The following TTLL9 variants were observed in gnomAD, a reference collection of about 807,000 sequenced individuals.
TTLL9 encodes the protein tubulin tyrosine ligase like 9.
TTLL9 carries 47 observed loss-of-function variants against 65.6 expected under a neutral mutation model. The ratio of observed to expected loss-of-function variants is 0.72; its 90% CI spans 0.57 to 0.91. TTLL9 has a LOEUF of 0.91. Among genes scored for constraint, TTLL9 ranks in the 40% least tolerant of loss-of-function variants. TTLL9 has a pLI of 0.00. For missense variants in TTLL9, 537 were observed against 568.8 expected (o/e 0.94, Z 0.57); for synonymous variants, 179 against 204.8 (o/e 0.87, Z 1.07).
Position 31,870,813 on chromosome 20 carries a change from T to TCTGC in TTLL9, c.-138_-135dup. 1 of 505,256 alleles carries TCTGC rather than the reference T, an allele frequency of 2.0e-6. No homozygotes were observed. Among genetic ancestry groups the TCTGC allele is most frequent in the East Asian group, 3.3e-5 (1 of 30,320 alleles). 31.3% of individuals were successfully genotyped at this position (505,256 alleles called of 1,614,324 possible). ...CACAAACTCCCGTCCCCCTTCCGGCTCTGCCTGGACGTCCCTGCGGGCCCC... is the reference window on the plus strand; with the variant it reads ...CACAAACTCCCGTCCCCCTTCCGGCTCTGCCTGCCTGGACGTCCCTGCGGGCCCC... On this transcript the variant is annotated 5_prime_UTR_variant, in exon 1 of 15. The change abolishes the stop of an existing upstream ORF in the 5' untranslated region. Transcript: ENST00000535842. The surrounding 1 kb of genome is among the most constrained non-coding windows in gnomAD (Gnocchi z 6.6).
intron 2 of TTLL9, among the ~76,000 whole-genome samples, chr20:31,881,334 C>T (rs138244038): frequency 1.3e-5 from 2 of 152,264 alleles, no homozygotes; most frequent in African/African-American, 2.4e-5. Flanking sequence ...TCCCTGTATC[C>T]CTGGTCCTCA....
At chr20:31,930,765 G>A (rs6061036) in intron 10 of TTLL9, among the ~76,000 whole-genome samples, 84,617 of 151,988 alleles carry the variant, frequency 0.56, 24,074 homozygotes, top group Admixed American at 0.62. Flanking sequence ...ATATTTTGCA[G>A]TGAATCAGTT....
Position 31,934,878 on chromosome 20 carries a change from G to C in TTLL9, c.994G>C (p.Asp332His). 1 of 1,610,898 alleles carries C rather than the reference G, an allele frequency of 6.2e-7. No individual in the cohort carries two copies. The highest frequency in any genetic ancestry group is 8.5e-7 in the Non-Finnish European group (1 of 1,177,774). The change falls in exon 12 of 15, where the codon GAC becomes CAC. Residue 332 changes from aspartate (D) to histidine (H), a missense_variant. By Grantham distance (81) the Asp-to-His change is moderately conservative. Transcript: ENST00000535842. Reference sequence around the variant, plus strand: ...CGGCTATGACATCCTCATCGACCAGGACCTCAAGCCGTAAGTGGGTGGGTG... The same window carrying C: ...CGGCTATGACATCCTCATCGACCAGCACCTCAAGCCGTAAGTGGGTGGGTG... Reference protein sequence around the residue: ...LYGYDILIDQDLKPWLLEVNA... With the variant: ...LYGYDILIDQHLKPWLLEVNA...
intron 13 of TTLL9, chr20:31,938,030 C>T (rs931850575): frequency 5.1e-5 from 20 of 391,320 alleles, no homozygotes; most frequent in Admixed American, 3.7e-4. Context: ...CTCTCTCTCT[C>T]TTTCTCTCTC....
intron 2 of TTLL9, among the ~76,000 whole-genome samples, chr20:31,880,400 G>C (rs964007063): frequency 6.6e-6 from 1 of 152,084 alleles, no homozygotes; most frequent in Non-Finnish European, 1.5e-5. Flanking sequence ...CTCCAAGAGG[G>C]CACAGACCAA....
chr20:31,879,788 G>A, intron 2 of TTLL9: 5 of 1,543,312 alleles, frequency 3.2e-6, no homozygotes, highest in Non-Finnish European at 4.4e-6. Flanking sequence ...TCAGAGCGGC[G>A]GATCCAGGCG....
rs375096914 is a variant in TTLL9 at position 31,934,706 on chromosome 20, G to C, written c.822G>C (p.Thr274=). ...CCGGGGCCCAGGGCTGCAAGTGGAC[G>C]CTGCAGCGCTTCCGGCAGTACCTGG... ...DYHPKKGCKW[T]LQRFRQYLAS... The change falls in exon 12 of 15, where the codon ACG becomes ACC. Residue 274 remains threonine, a synonymous_variant. Transcript: ENST00000535842. 6.2e-7 allele frequency: 1 copy of C among 1,610,964 alleles called. No individual in the cohort carries two copies. Among genetic ancestry groups the C allele is most frequent in the Admixed American group, 1.7e-5 (1 of 59,940 alleles).
Position 31,908,601 on chromosome 20 carries a change from T to C in TTLL9, c.217T>C (p.Trp73Arg). The C allele has an allele frequency of 1.3e-6, 2 of 1,542,872 alleles. No homozygotes were observed. The highest frequency in any genetic ancestry group is 1.8e-6 in the Non-Finnish European group (2 of 1,126,270). Residue 73 changes from tryptophan (W) to arginine (R), a missense_variant, in exon 5 of 15, where the codon TGG becomes CGG. Physicochemically the swap from Trp to Arg is moderately radical, Grantham distance 101 (BLOSUM62 -3). Around this residue, in one of 3 missense-constraint regions of TTLL9, gnomAD observed 320 missense variants for 311.0 expected, o/e 1.03. Coordinates refer to ENST00000535842, the MANE Select transcript of TTLL9 (RefSeq NM_001008409.5). ...GWVEVKDEGE[W>R]DFYWCDVSWL... ...CCACCCCACCCCCAGCGAAGGGGAGTGGGATTTCTACTGGTGTGACGTCAG... is the reference window on the plus strand; with the variant it reads ...CCACCCCACCCCCAGCGAAGGGGAGCGGGATTTCTACTGGTGTGACGTCAG...
At chr20:31,907,800 C>T (rs1231622496) in intron 4 of TTLL9, among the ~76,000 whole-genome samples, 1 of 151,710 alleles carries the variant, frequency 6.6e-6, no homozygotes, top group Non-Finnish European at 1.5e-5. Flanking sequence ...CGCGGCAGAA[C>T]AGAAGGAGAT....
chr20:31,908,520 AC>A, intron 4 of TTLL9, 70 bp from the exon 5 acceptor site: 1 of 1,070,082 alleles, frequency 9.3e-7, no homozygotes, highest in East Asian at 2.4e-5. Flanking sequence ...CCTCGGCAGC[AC>A]CTCCCTGGGC....
At chr20:31,873,821 G>GAAAGAAAGAAAAAGAAAGA (rs2062991828) in intron 2 of TTLL9, among the ~76,000 whole-genome samples, 1 of 95,982 alleles carries the variant, frequency 1.0e-5, no homozygotes. Context: ...AGGAAGGAAG[G>GAAAGAAAGAAAAAGAAAGA]AAGAAAGAAA....
intron 6 of TTLL9, among the ~76,000 whole-genome samples, chr20:31,913,795 T>C (rs2063691431): frequency 6.6e-6 from 1 of 152,224 alleles, no homozygotes; most frequent in East Asian, 1.9e-4. Context: ...AAACATTGCA[T>C]CGCTCTTAGC....
intron 6 of TTLL9, among the ~76,000 whole-genome samples, chr20:31,912,597 ATGTGTATGTGTGTG>A (rs1258368887): frequency 3.9e-5 from 4 of 102,586 alleles, no homozygotes; most frequent in Non-Finnish European, 5.9e-5. Flanking sequence ...GTGTGCGTGT[ATGTGTATGTGTGTG>A]TGTGTGTGTG....
rs752875483 is a variant in TTLL9 at position 31,925,035 on chromosome 20, G to A, written c.691G>A (p.Val231Met). ...GGRKFDLRVY[V>M]LVMSVFAECL... ...CCGCAAGTTTGACCTGCGTGTCTAT[G>A]TGCTGGTGATGTCGGTGAGTAACAA... The change falls in exon 9 of 15, where the codon GTG becomes ATG. Residue 231 changes from valine (V) to methionine (M), a missense_variant. Physicochemically the swap from Val to Met is conservative, Grantham distance 21 (BLOSUM62 1). This residue lies in a region of TTLL9 where 320 missense variants were observed against 311.0 expected (regional missense o/e 1.03). Coordinates refer to ENST00000535842, the MANE Select transcript of TTLL9 (RefSeq NM_001008409.5). 6 of 1,613,996 alleles carry A rather than the reference G, an allele frequency of 3.7e-6. No homozygotes were observed. The highest frequency in any genetic ancestry group is 3.3e-4 in the Middle Eastern group (2 of 6,082).
intron 2 of TTLL9, among the ~76,000 whole-genome samples, chr20:31,886,558 A>C (rs2063190727): frequency 6.6e-6 from 1 of 152,172 alleles, no homozygotes; most frequent in Admixed American, 6.5e-5. Context: ...GGTGGCTCAC[A>C]CCTGTAATTC....
chr20:31,922,964 A>G lies in TTLL9; in HGVS notation c.575A>G (p.Asp192Gly). Reference sequence around the variant, plus strand: ...AATTATTATTATTATTACAACTAGGACACAAGAAGCTCTGACGACCAGAAA... The same window carrying G: ...AATTATTATTATTATTACAACTAGGGCACAAGAAGCTCTGACGACCAGAAA... ...RLKDIVDWRK[D>G]TRSSDDQKDD... Residue 192 changes from aspartate (D) to glycine (G), a missense_variant and splice_region_variant, in exon 8 of 15, where the codon GAC becomes GGC. Physicochemically the swap from Asp to Gly is moderately conservative, Grantham distance 94. Transcript: ENST00000535842. 1 of 1,611,098 alleles carries G rather than the reference A, an allele frequency of 6.2e-7. No homozygotes were observed. The highest frequency in any genetic ancestry group is 8.5e-7 in the Non-Finnish European group (1 of 1,177,348).
chr20:31,890,201 C>CTTTCTTTCTTTCTTTCTT (rs1555810317), intron 3 of TTLL9, among the ~76,000 whole-genome samples: 1 of 64,976 alleles, frequency 1.5e-5, no homozygotes, highest in Non-Finnish European at 3.2e-5. Context: ...TTCTTTCTTT[C>CTTTCTTTCTTTCTTTCTT]TCTTTCTTTC....
chr20:31,912,603 A>ATGTGTGTG (rs61107814), intron 6 of TTLL9, among the ~76,000 whole-genome samples: 43 of 141,098 alleles, frequency 3.0e-4, no homozygotes, highest in Middle Eastern at 3.8e-3. Context: ...GTGTATGTGT[A>ATGTGTGTG]TGTGTGTGTG....
Position 31,943,957 on chromosome 20 carries a change from C to T in TTLL9, c.*936C>T, listed in dbSNP as rs981050543. 1 of 397,336 alleles carries T rather than the reference C, an allele frequency of 2.5e-6. No homozygotes were observed. Among genetic ancestry groups the T allele is most frequent in the African/African-American group, 2.1e-5 (1 of 48,348 alleles). The allele number at this position is 397,336 out of a possible 1,614,324, so 24.6% of individuals were successfully genotyped here. A position where few individuals can be genotyped will look rare whatever the true frequency, so the allele number is the denominator to read the frequency against. On this transcript the variant is annotated 3_prime_UTR_variant, in exon 15 of 15. Transcript: ENST00000535842. ...GGGTAACTGTTCCAGGGGGGACTTA[C>T]TCCCTCTACCACTCCGCCTGCTTCA... is the stretch of plus-strand genomic sequence containing the variant.
Sources: gnomAD v4.1 joint callset for allele counts (sites outside exome capture counted in the v4.1 genomes callset) on GRCh38, gnomAD v4.1.1 for gene constraint, gnomAD v4.1.1 regional missense constraint, Gnocchi (gnomAD v3.1) non-coding constraint, MANE v1.5 for transcripts, NCBI Gene and HGNC (gene_info 2026-07-23, HGNC 2026-07-21) for gene names.